The following GFRA1 variants were observed in gnomAD, a reference collection of about 807,000 sequenced individuals.
The protein encoded by GFRA1 is GDNF family receptor alpha-1.
GFRA1 carries 16 observed loss-of-function variants against 51.6 expected under a neutral mutation model. That is an observed-to-expected ratio of 0.31 (90% CI 0.21 to 0.47). The LOEUF is 0.47. Among genes scored for constraint, GFRA1 ranks in the 20% least tolerant of loss-of-function variants. The pLI is 1.00. For synonymous variants in GFRA1, 270 were observed against 241.3 expected, an observed-to-expected ratio of 1.12 and a Z score of -1.10; for missense variants, 530 against 594.3, an observed-to-expected ratio of 0.89 and a Z score of 1.13.
At position 116,272,364 on chromosome 10, in the gene GFRA1, T is replaced by C. The variant is rs1392995861; in HGVS notation, c.-246-89A>G. The C allele has an allele frequency of 2.3e-6, 1 of 434,524 alleles. No homozygotes were observed. The highest frequency in any genetic ancestry group is 2.0e-5 in the African/African-American group (1 of 50,170). 26.9% of individuals were successfully genotyped at this position (434,524 alleles called of 1,614,324 possible). A position where few individuals can be genotyped will look rare whatever the true frequency, so the allele number is the denominator to read the frequency against. On this transcript the variant is annotated intron_variant, in intron 1 of 10. Coordinates refer to ENST00000355422, the MANE Select transcript of GFRA1 (RefSeq NM_005264.8). This position sits in a 1 kb window ranked among gnomAD's most constrained non-coding sequence, Gnocchi z 4.4. ...CTCTCCCCTCCCCCGTTCCCGCCTT[T>C]GGGGAATTTCCAACACCGGGGTGAG...
chr10:116,090,831 A>G (rs74158566), intron 8 of GFRA1, among the ~76,000 whole-genome samples: 1 of 152,144 alleles, frequency 6.6e-6, no homozygotes, highest in Non-Finnish European at 1.5e-5. Flanking sequence ...GCATTTTTCT[A>G]TATACAAGAC....
intron 6 of GFRA1, among the ~76,000 whole-genome samples, chr10:116,121,529 G>A (rs1270790249): frequency 6.6e-6 from 1 of 152,244 alleles, no homozygotes; most frequent in African/African-American, 2.4e-5. Context: ...TGAGGCGGAA[G>A]AGAGACAGGT....
At chr10:116,066,151 T>C (rs1053966684) in intron 9 of GFRA1, among the ~76,000 whole-genome samples, 2 of 152,208 alleles carry the variant, frequency 1.3e-5, no homozygotes, top group African/African-American at 4.8e-5. Context: ...GTTCATTCAT[T>C]GCTTCAGTCA....
rs1565546967 is a variant in GFRA1, at chr10:116,064,097, C to CATCATCATGATGATCATG, written c.*300_*301insCATGATCATCATGATGAT. The CATCATCATGATGATCATG allele has an allele frequency of 7.7e-6, 2 of 259,716 alleles. No individual in the cohort carries two copies. Among genetic ancestry groups the CATCATCATGATGATCATG allele is most frequent in the African/African-American group, 6.5e-5 (2 of 30,642 alleles). The allele number at this position is 259,716 out of a possible 1,614,324, so 16.1% of individuals were successfully genotyped here. ...TCATGATGATCATCATCATGATCATCATCATCATCGAAAACACAGCCCCAG... is the reference window on the plus strand; with the variant it reads ...TCATGATGATCATCATCATGATCATCATCATCATGATGATCATGATCATCATCGAAAACACAGCCCCAG... On this transcript the variant is annotated 3_prime_UTR_variant, in exon 11 of 11. Coordinates refer to ENST00000355422, the MANE Select transcript of GFRA1 (RefSeq NM_005264.8).
chr10:116,201,869 G>C (rs72836343), intron 5 of GFRA1, among the ~76,000 whole-genome samples: 12 of 152,204 alleles, frequency 7.9e-5, no homozygotes, highest in Non-Finnish European at 1.3e-4. Context: ...CAACAAAACA[G>C]AGAAAGATTT....
At chr10:116,247,328 G>A (rs1967949356) in intron 4 of GFRA1, among the ~76,000 whole-genome samples, 1 of 152,186 alleles carries the variant, frequency 6.6e-6, no homozygotes, top group African/African-American at 2.4e-5. Context: ...TGGAGCTGAT[G>A]TTACAACAAA....
chr10:116,070,587 T>C (rs996350577), intron 9 of GFRA1, among the ~76,000 whole-genome samples: 18 of 152,332 alleles, frequency 1.2e-4, no homozygotes, highest in African/African-American at 3.1e-4. Context: ...TTTTAATAGA[T>C]AGACTCACCT....
intron 4 of GFRA1, among the ~76,000 whole-genome samples, chr10:116,235,460 C>A (rs1966856270): frequency 6.6e-6 from 1 of 152,194 alleles, no homozygotes; most frequent in South Asian, 2.1e-4. Context: ...ACTGCTGCCC[C>A]TCTAAGCACC....
At chr10:116,212,049 C>A (rs1294601715) in intron 4 of GFRA1, among the ~76,000 whole-genome samples, 2 of 152,136 alleles carry the variant, frequency 1.3e-5, no homozygotes, top group Non-Finnish European at 2.9e-5. Flanking sequence ...TATTATAGTT[C>A]TCATTTTATA....
intron 9 of GFRA1, among the ~76,000 whole-genome samples, chr10:116,068,222 C>G (rs1955206779): frequency 6.6e-6 from 1 of 152,220 alleles, no homozygotes; most frequent in African/African-American, 2.4e-5. Context: ...ACACAGGACT[C>G]TAAAGACACT....
chr10:116,172,818 A>C (rs1484941077), intron 5 of GFRA1, among the ~76,000 whole-genome samples: 1 of 152,216 alleles, frequency 6.6e-6, no homozygotes, highest in Non-Finnish European at 1.5e-5. Flanking sequence ...CCAGCACCTC[A>C]CAGTGGGAGC....
At chr10:116,150,534 T>C (rs1159791060) in intron 5 of GFRA1, among the ~76,000 whole-genome samples, 1 of 152,232 alleles carries the variant, frequency 6.6e-6, no homozygotes, top group Non-Finnish European at 1.5e-5. Flanking sequence ...ACTGTTTTCC[T>C]GTCTGCCCCA....
intron 5 of GFRA1, among the ~76,000 whole-genome samples, chr10:116,147,073 T>C (rs11197548): frequency 0.53 from 81,038 of 151,880 alleles, 22,485 homozygotes; most frequent in Middle Eastern, 0.64. Flanking sequence ...GATGCAAATA[T>C]GTCAAAATGT....
rs148421299 is a variant in GFRA1 at position 116,125,237 on chromosome 10, T to C, written c.754A>G (p.Thr252Ala). The part of the protein sequence containing the change: ...NCLNLQDSCK[T>A]NYICRSRLAD... ...CCCACTTACCTGCAGATGTAATTCG[T>C]CTTGCAGGAGTCCTGCAAATTCAAA... The change falls in exon 6 of 11, where the codon ACG (threonine) becomes GCG (alanine). Residue 252 changes from threonine to alanine, a missense_variant. Thr to Ala is a moderately conservative substitution (Grantham distance 58). Transcript: ENST00000355422. 126 of 1,613,292 alleles carry C rather than the reference T, an allele frequency of 7.8e-5. No homozygotes were observed. In the African/African-American group the frequency reaches 1.1e-3, roughly 13 times the overall value.
chr10:116,101,667 C>A (rs1956820458), intron 6 of GFRA1, among the ~76,000 whole-genome samples: 1 of 152,130 alleles, frequency 6.6e-6, no homozygotes, highest in Non-Finnish European at 1.5e-5. Context: ...TGATGGAAAA[C>A]AGGTAAAAAC....
chr10:116,209,707 C>T (rs1173841713), intron 5 of GFRA1, among the ~76,000 whole-genome samples: 2 of 151,992 alleles, frequency 1.3e-5, no homozygotes, highest in South Asian at 2.1e-4. Context: ...GTGGAGATCA[C>T]GGTTTTAGAT....
chr10:116,133,271 T>C (rs576640091), intron 5 of GFRA1, among the ~76,000 whole-genome samples: 1 of 152,288 alleles, frequency 6.6e-6, no homozygotes, highest in Admixed American at 6.5e-5. Flanking sequence ...CACACAGCCA[T>C]GTTGTCACTT....
chr10:116,083,346 T>C (rs1955941279), intron 9 of GFRA1, among the ~76,000 whole-genome samples: 1 of 152,184 alleles, frequency 6.6e-6, no homozygotes, highest in African/African-American at 2.4e-5. Flanking sequence ...CTCCTCCCAG[T>C]CTATCATCCT....
At chr10:116,253,371 G>C (rs1565682070) in intron 4 of GFRA1, among the ~76,000 whole-genome samples, 1 of 152,172 alleles carries the variant, frequency 6.6e-6, no homozygotes. Context: ...ACTTTAGGAA[G>C]CCAAGATGGG....
Sources: gnomAD v4.1 joint callset for allele counts (sites outside exome capture counted in the v4.1 genomes callset) on GRCh38, gnomAD v4.1.1 for gene constraint, Gnocchi (gnomAD v3.1) non-coding constraint, MANE v1.5 for transcripts, NCBI Gene and HGNC (gene_info 2026-07-23, HGNC 2026-07-21) for gene names.